FRAS1: variants seen among roughly 807,000 people sequenced by gnomAD.
FRAS1 encodes the protein Fraser extracellular matrix complex subunit 1, also known as extracellular matrix organizing protein FRAS1.
In FRAS1, 290 loss-of-function variants were observed where a neutral mutation model predicts 435.2. The observed-to-expected ratio is 0.67, with a 90% CI of 0.61 to 0.73. FRAS1 has a LOEUF of 0.73. FRAS1 is among the 30% of genes least tolerant of loss of function. The probability of loss-of-function intolerance (pLI) is 0.00; values close to 1 mark genes in which losing one functional copy is unlikely to be tolerated. For missense variants in FRAS1, 4,860 were observed against 5,001.5 expected (o/e 0.97, Z 0.85); for synonymous variants, 1,800 against 1,851.0 (o/e 0.97, Z 0.71).
chr4:78,124,558 C>G (rs1040783008), intron 2 of FRAS1, among the ~76,000 whole-genome samples: 1 of 152,140 alleles, frequency 6.6e-6, no homozygotes, highest in Non-Finnish European at 1.5e-5. Context: ...GTACTAGCTC[C>G]TCTTTGTACC....
chr4:78,176,852 C>T (rs1208544533), intron 2 of FRAS1, among the ~76,000 whole-genome samples: 2 of 152,172 alleles, frequency 1.3e-5, no homozygotes, highest in Admixed American at 6.5e-5. Context: ...AAGAAAGAGC[C>T]TTCTTTAGGT....
chr4:78,314,170 T>G (rs1467276662), intron 15 of FRAS1, among the ~76,000 whole-genome samples: 3 of 152,148 alleles, frequency 2.0e-5, no homozygotes, highest in Non-Finnish European at 4.4e-5. Context: ...TCCTGCATAC[T>G]TTTCCTGAAT....
chr4:78,404,420 A>G (rs1369493663), intron 30 of FRAS1, among the ~76,000 whole-genome samples: 11 of 151,926 alleles, frequency 7.2e-5, no homozygotes, highest in Non-Finnish European at 1.2e-4. Context: ...AAAAAAAAAA[A>G]AAGAAGAAGG....
intron 11 of FRAS1, among the ~76,000 whole-genome samples, chr4:78,281,774 G>A (rs1727342785): frequency 6.6e-6 from 1 of 152,154 alleles, no homozygotes; most frequent in Admixed American, 6.5e-5. Context: ...GTACTGCAAA[G>A]TGCTGAAGAA....
Position 78,363,920 on chromosome 4 carries a change from C to T in FRAS1, c.2588C>T (p.Ser863Phe). The change falls in exon 22 of 74, where the codon TCC (serine) becomes TTC (phenylalanine). Residue 863 changes from serine to phenylalanine, a missense_variant. Coordinates refer to ENST00000512123, the MANE Select transcript of FRAS1 (RefSeq NM_025074.7). ...ERGACKKCHS[S>F]CRTCQGRGPF... ...TTTTCCTCTGCAGAATGCCACTCCT[C>T]CTGCAGAACCTGCCAGGGCAGAGGA... 1 of 1,610,020 alleles carries T rather than the reference C, an allele frequency of 6.2e-7. No individual in the cohort carries two copies. The highest frequency in any genetic ancestry group is 2.2e-5 in the East Asian group (1 of 44,824).
chr4:78,094,488 T>C (rs898034849), intron 2 of FRAS1, among the ~76,000 whole-genome samples: 1 of 152,080 alleles, frequency 6.6e-6, no homozygotes, highest in African/African-American at 2.4e-5. Context: ...AGGTGAATTT[T>C]AGCTTACCAA....
chr4:78,068,489 T>A, intron 2 of FRAS1: 1 of 455,742 alleles, frequency 2.2e-6, no homozygotes, highest in South Asian at 1.6e-5. Flanking sequence ...AAGAGATAGG[T>A]CAGGGAGGAT....
intron 18 of FRAS1, among the ~76,000 whole-genome samples, chr4:78,332,537 G>A (rs1272286569): frequency 2.6e-5 from 4 of 152,104 alleles, no homozygotes; most frequent in Non-Finnish European, 5.9e-5. Context: ...CCCTTACTAC[G>A]TGTCCAGCAC....
intron 27 of FRAS1, among the ~76,000 whole-genome samples, chr4:78,381,300 A>G (rs1732005198): frequency 6.6e-6 from 1 of 152,086 alleles, no homozygotes; most frequent in Non-Finnish European, 1.5e-5. Flanking sequence ...CATTTTTACT[A>G]TAAGTATTAT....
chr4:78,537,192 C>G lies in FRAS1; in HGVS notation c.11290C>G (p.Leu3764Val). 3 of 1,613,686 alleles carry G rather than the reference C, an allele frequency of 1.9e-6. No individual in the cohort carries two copies. Among genetic ancestry groups the G allele is most frequent in the Non-Finnish European group, 2.5e-6 (3 of 1,179,774 alleles). ...QPNKHLKHRFLLLDRNQPEVT... is the reference protein window; with the variant it reads ...QPNKHLKHRFVLLDRNQPEVT... Reference sequence around the variant, plus strand: ...AAACAAACACCTAAAACACAGATTCCTGCTGTTGGTATGCTAAGTTCTCAC... The same window carrying G: ...AAACAAACACCTAAAACACAGATTCGTGCTGTTGGTATGCTAAGTTCTCAC... Residue 3764 changes from leucine to valine, a missense_variant, in exon 72 of 74, where the codon CTG becomes GTG. Physicochemically the swap from Leu to Val is conservative, Grantham distance 32. Transcript: ENST00000512123.
intron 2 of FRAS1, chr4:78,068,534 C>T (rs1188359543): frequency 6.6e-6 from 3 of 456,280 alleles, no homozygotes; most frequent in South Asian, 4.6e-5. Context: ...CTTGTGCAGA[C>T]TTTAGCTTGT....
chr4:78,139,369 T>C (rs1720062645), intron 2 of FRAS1, among the ~76,000 whole-genome samples: 3 of 152,174 alleles, frequency 2.0e-5, no homozygotes, highest in African/African-American at 7.2e-5. Flanking sequence ...ATAAAATCAT[T>C]CTCCAAAGTT....
intron 73 of FRAS1, among the ~76,000 whole-genome samples, chr4:78,540,161 A>G (rs1560432548): frequency 1.3e-5 from 2 of 152,264 alleles, no homozygotes; most frequent in African/African-American, 4.8e-5. Flanking sequence ...GGCATAACAC[A>G]TAATTGAAGG....
intron 53 of FRAS1, among the ~76,000 whole-genome samples, chr4:78,475,041 A>G (rs1663099823): frequency 6.6e-6 from 1 of 152,158 alleles, no homozygotes; most frequent in South Asian, 2.1e-4. Context: ...CACCTAAGTC[A>G]TTGATTGCCT....
chr4:78,229,711 T>A (rs1347122782), intron 2 of FRAS1, among the ~76,000 whole-genome samples: 7 of 148,368 alleles, frequency 4.7e-5, no homozygotes, highest in Non-Finnish European at 3.0e-5. Flanking sequence ...CAGCACAGAA[T>A]AAAAAAAAAA....
chr4:78,533,625 T>C (rs1721792658), intron 70 of FRAS1, among the ~76,000 whole-genome samples: 1 of 152,238 alleles, frequency 6.6e-6, no homozygotes, highest in South Asian at 2.1e-4. Flanking sequence ...ACAGAACTAA[T>C]AGTGACTCCA....
intron 2 of FRAS1, among the ~76,000 whole-genome samples, chr4:78,225,713 G>T (rs2110101089): frequency 6.6e-6 from 1 of 152,144 alleles, no homozygotes; most frequent in East Asian, 1.9e-4. Flanking sequence ...AATTCTTCAA[G>T]AATTTACAGT....
chr4:78,390,856 T>G lies in FRAS1; in HGVS notation c.3975+3155T>G, dbSNP rs188568892. Among the ~76,000 whole-genome samples, 437 of 152,370 alleles carry G rather than the reference T, an allele frequency of 2.9e-3. 2 individuals carry two copies. The highest frequency in any genetic ancestry group is 4.8e-3 in the Non-Finnish European group (327 of 68,038). On this transcript the variant is annotated intron_variant, in intron 29 of 73. Coordinates refer to ENST00000512123, the MANE Select transcript of FRAS1 (RefSeq NM_025074.7). ...TGATAGTTTAAATGGAATGGCCAAG[T>G]GGCTTGTGTTTAATTCCTAGTGAAT...
chr4:78,303,443 T>C (rs1370364207), intron 14 of FRAS1, among the ~76,000 whole-genome samples: 1 of 152,166 alleles, frequency 6.6e-6, no homozygotes, highest in African/African-American at 2.4e-5. Flanking sequence ...GTAAATTACG[T>C]TGGGCAGTAT....
Sources: allele counts gnomAD v4.1 joint callset (sites outside exome capture counted in the v4.1 genomes callset), GRCh38; gene constraint gnomAD v4.1.1; transcripts MANE v1.5; gene names NCBI Gene and HGNC (gene_info 2026-07-23, HGNC 2026-07-21).